The following ACOXL variants were observed in gnomAD, a reference collection of about 807,000 sequenced individuals.
ACOXL encodes the protein acyl-CoA oxidase like.
A neutral mutation model predicts 71.9 loss-of-function variants in ACOXL; 70 were observed. The ratio of observed to expected loss-of-function variants is 0.97; its 90% CI spans 0.80 to 1.19. The LOEUF is 1.19. Among genes scored for constraint, ACOXL ranks in the 50% most tolerant of loss-of-function variants. ACOXL has a pLI of 0.00. For synonymous variants in ACOXL, 253 were observed against 281.6 expected (o/e 0.90, Z 1.02); for missense variants, 703 against 736.3 (o/e 0.95, Z 0.52).
At chr2:110,827,112 T>C (rs570013808) in intron 9 of ACOXL, among the ~76,000 whole-genome samples, 173 of 152,304 alleles carry the variant, frequency 1.1e-3, no homozygotes, top group Non-Finnish European at 2.0e-3. Flanking sequence ...AATACAAACC[T>C]GCTAATTTTA....
intron 12 of ACOXL, among the ~76,000 whole-genome samples, chr2:110,986,745 G>A (rs1425685121): frequency 6.6e-6 from 1 of 152,208 alleles, no homozygotes; most frequent in Non-Finnish European, 1.5e-5. Context: ...ATTGACCAGA[G>A]AATGTCAGGG....
At chr2:110,868,777 G>C (rs1407968599) in intron 10 of ACOXL, among the ~76,000 whole-genome samples, 1 of 152,150 alleles carries the variant, frequency 6.6e-6, no homozygotes, top group Non-Finnish European at 1.5e-5. Flanking sequence ...TTTTAGTAGA[G>C]ATGGGGTTTC....
intron 9 of ACOXL, among the ~76,000 whole-genome samples, chr2:110,814,717 A>T (rs1408079337): frequency 6.6e-6 from 1 of 152,222 alleles, no homozygotes; most frequent in African/African-American, 2.4e-5. Flanking sequence ...GTATATGAGG[A>T]TCATATTTCT....
chr2:110,813,812 A>G lies in ACOXL; in HGVS notation c.753+8417A>G, dbSNP rs149040781. On this transcript the variant is annotated intron_variant, in intron 9 of 17. Transcript: ENST00000439055. ...ATTGAGTCCTTCCTGATCAGGGACAATTTTCTGAGCACCTCACATATAATT... is the reference window on the plus strand; with the variant it reads ...ATTGAGTCCTTCCTGATCAGGGACAGTTTTCTGAGCACCTCACATATAATT... Among the ~76,000 whole-genome samples, 93 of 152,158 alleles carry G rather than the reference A, an allele frequency of 6.1e-4. 1 individual carries two copies. Among genetic ancestry groups the G allele is most frequent in the African/African-American group, 1.9e-3 (77 of 41,528 alleles).
At chr2:111,059,590 C>T (rs549896528) in intron 16 of ACOXL, among the ~76,000 whole-genome samples, 6 of 152,190 alleles carry the variant, frequency 3.9e-5, no homozygotes, top group African/African-American at 9.6e-5. Context: ...CTGGACATTA[C>T]GTTTAAAACA....
intron 10 of ACOXL, among the ~76,000 whole-genome samples, chr2:110,865,382 T>C (rs1694457065): frequency 6.6e-6 from 1 of 152,166 alleles, no homozygotes; most frequent in Admixed American, 6.5e-5. Context: ...CGTTTTTACT[T>C]TGCCTTAACT....
At chr2:110,879,974 C>T (rs1573963627) in intron 10 of ACOXL, among the ~76,000 whole-genome samples, 2 of 151,552 alleles carry the variant, frequency 1.3e-5, no homozygotes, top group East Asian at 1.9e-4. Flanking sequence ...GGTGAAACCC[C>T]GTCTCTACTA....
At chr2:110,749,405 C>G (rs1678637973) in intron 1 of ACOXL, among the ~76,000 whole-genome samples, 1 of 152,108 alleles carries the variant, frequency 6.6e-6, no homozygotes, top group African/African-American at 2.4e-5. Context: ...CTTACACAAC[C>G]ATAGCACATT....
chr2:110,852,519 C>T (rs768691436), intron 10 of ACOXL, among the ~76,000 whole-genome samples: 4 of 152,222 alleles, frequency 2.6e-5, no homozygotes, highest in Non-Finnish European at 5.9e-5. Flanking sequence ...AAATCTGCCT[C>T]CCTCAGTCAC....
At chr2:111,085,373 A>G (rs71431149) in intron 16 of ACOXL, among the ~76,000 whole-genome samples, 12,929 of 152,260 alleles carry the variant, frequency 0.085, 647 homozygotes, top group Non-Finnish European at 0.11. Context: ...AATCATACCA[A>G]CCATGCTCTT....
intron 10 of ACOXL, among the ~76,000 whole-genome samples, chr2:110,901,522 A>G (rs912118486): frequency 2.0e-5 from 3 of 152,278 alleles, no homozygotes; most frequent in Admixed American, 6.5e-5. Flanking sequence ...GAGAAGGTGG[A>G]AAAGTTATTT....
At chr2:110,800,023 G>A (rs1204774410) in intron 7 of ACOXL, among the ~76,000 whole-genome samples, 1 of 152,204 alleles carries the variant, frequency 6.6e-6, no homozygotes, top group Non-Finnish European at 1.5e-5. Flanking sequence ...CACTCTGATA[G>A]GACAGAAACG....
intron 12 of ACOXL, among the ~76,000 whole-genome samples, chr2:110,936,262 C>T (rs1280726525): frequency 2.6e-5 from 4 of 151,996 alleles, no homozygotes; most frequent in Non-Finnish European, 5.9e-5. Flanking sequence ...CTGGGTTACC[C>T]GCACTGTTAT....
intron 1 of ACOXL, among the ~76,000 whole-genome samples, chr2:110,753,771 T>A (rs1159759428): frequency 6.6e-6 from 1 of 152,240 alleles, no homozygotes; most frequent in Admixed American, 6.5e-5. Flanking sequence ...TAGGTATCTG[T>A]TTAATTTTAT....
intron 10 of ACOXL, among the ~76,000 whole-genome samples, chr2:110,849,998 G>T (rs989633261): frequency 6.6e-6 from 1 of 152,160 alleles, no homozygotes; most frequent in African/African-American, 2.4e-5. Context: ...GCGCCAAAAT[G>T]ATTCAGTGGA....
chr2:110,743,932 A>T (rs528535354), intron 1 of ACOXL, among the ~76,000 whole-genome samples: 1 of 152,310 alleles, frequency 6.6e-6, no homozygotes, highest in South Asian at 2.1e-4. Context: ...TTTCCTCTTG[A>T]AGTAAAATGC....
intron 10 of ACOXL, among the ~76,000 whole-genome samples, chr2:110,872,686 C>T (rs1695421379): frequency 6.6e-6 from 1 of 152,236 alleles, no homozygotes; most frequent in Non-Finnish European, 1.5e-5. Flanking sequence ...CAGGGCGTGG[C>T]CGGCCGCCCT....
chr2:111,117,561 A>G, intron 17 of ACOXL, 55 bp from the exon 18 acceptor site: 9 of 1,531,376 alleles, frequency 5.9e-6, no homozygotes, highest in Non-Finnish European at 8.0e-6. Flanking sequence ...TGCTGTCACT[A>G]GATGGCTGTA....
At chr2:110,777,288 G>A (rs920333025) in intron 2 of ACOXL, among the ~76,000 whole-genome samples, 1 of 152,166 alleles carries the variant, frequency 6.6e-6, no homozygotes, top group East Asian at 1.9e-4. Flanking sequence ...TGGTGGGAAG[G>A]ACCAGAAAGG....
Sources: allele counts gnomAD v4.1 joint callset (sites outside exome capture counted in the v4.1 genomes callset), GRCh38; gene constraint gnomAD v4.1.1; transcripts MANE v1.5; gene names NCBI Gene and HGNC (gene_info 2026-07-23, HGNC 2026-07-21).